The following NSD2 variants were observed in gnomAD, a reference collection of about 807,000 sequenced individuals.
NSD2 encodes nuclear receptor binding SET domain protein 2, also known as histone-lysine N-methyltransferase NSD2.
NSD2 carries 12 observed loss-of-function variants against 139.0 expected under a neutral mutation model. That is an observed-to-expected ratio of 0.09 (90% CI 0.06 to 0.14). NSD2 has a LOEUF of 0.14. Ranked by LOEUF, NSD2 falls within the 10% of genes least tolerant of loss-of-function variation. The pLI, the probability that NSD2 is intolerant of heterozygous loss-of-function variation, is 1.00. For missense variants in NSD2, 1,155 were observed against 1,745.0 expected (o/e 0.66, Z 6.02); for synonymous variants, 669 against 648.7 (o/e 1.03, Z -0.48).
At chr4:1,916,337 T>C (rs1423696192) in intron 3 of NSD2, among the ~76,000 whole-genome samples, 1 of 152,032 alleles carries the variant, frequency 6.6e-6, no homozygotes, top group Non-Finnish European at 1.5e-5. Flanking sequence ...TTTCTTTTTC[T>C]TTTTTTTCCT....
At chr4:1,941,904 G>A (rs1723139888) in intron 9 of NSD2, 6 of 1,070,306 alleles carry the variant, frequency 5.6e-6, no homozygotes, top group South Asian at 4.4e-5. Flanking sequence ...GAGGCAAAGT[G>A]TAGTGTTATA....
At chr4:1,933,445 A>G (rs1721913625) in intron 6 of NSD2, among the ~76,000 whole-genome samples, 2 of 152,144 alleles carry the variant, frequency 1.3e-5, no homozygotes, top group African/African-American at 2.4e-5. Flanking sequence ...GCTGGAGTGC[A>G]GTGGCGCGAT....
intron 1 of NSD2, among the ~76,000 whole-genome samples, chr4:1,888,633 C>T (rs748373242): frequency 1.3e-4 from 20 of 151,884 alleles, no homozygotes; most frequent in African/African-American, 2.7e-4. Flanking sequence ...GTGGCAATCT[C>T]GGCTTACTGC....
At chr4:1,899,638 C>T (rs990566157) in intron 1 of NSD2, among the ~76,000 whole-genome samples, 1 of 152,200 alleles carries the variant, frequency 6.6e-6, no homozygotes, top group Admixed American at 6.5e-5. Flanking sequence ...GGGCGGGTGC[C>T]TACCTGTTTC....
intron 9 of NSD2, chr4:1,945,682 A>C: frequency 3.0e-5 from 32 of 1,063,528 alleles, no homozygotes; most frequent in Non-Finnish European, 3.6e-5. Context: ...ATGAGGGAAA[A>C]GTCCTTGGCT....
intron 1 of NSD2, among the ~76,000 whole-genome samples, chr4:1,886,360 CTAT>C (rs1250464175): frequency 6.6e-6 from 1 of 152,150 alleles, no homozygotes; most frequent in African/African-American, 2.4e-5. Context: ...GTGTGCACCA[CTAT>C]GCCCAGCTAA....
At chr4:1,887,364 C>A (rs1320025612) in intron 1 of NSD2, 1 of 152,130 alleles carries the variant, frequency 6.6e-6, no homozygotes, top group Non-Finnish European at 1.5e-5. Flanking sequence ...TATAGCAAGT[C>A]CCCACTTTTG....
chr4:1,873,394 A>G (rs1442166610), intron 1 of NSD2, among the ~76,000 whole-genome samples: 2 of 152,248 alleles, frequency 1.3e-5, no homozygotes, highest in Non-Finnish European at 1.5e-5. Context: ...ATAAACTAAT[A>G]TAACTTTTGG....
At chr4:1,887,762 T>C (rs1027376251) in intron 1 of NSD2, 7 of 152,214 alleles carry the variant, frequency 4.6e-5, no homozygotes, top group Non-Finnish European at 8.8e-5. Flanking sequence ...AATATTTACT[T>C]GTATGACTTT....
At chr4:1,953,666 T>C in intron 12 of NSD2, 142 bp downstream of exon 12, 1 of 1,101,662 alleles carries the variant, frequency 9.1e-7, no homozygotes, top group Admixed American at 2.7e-5. Context: ...ATCGGCTGGG[T>C]TGGGTTTTCT....
At chr4:1,977,821 C>G (rs1727262809) in intron 21 of NSD2, among the ~76,000 whole-genome samples, 1 of 136,502 alleles carries the variant, frequency 7.3e-6, no homozygotes, top group Non-Finnish European at 1.6e-5. Flanking sequence ...AAACAAAAAA[C>G]AAAACTATAA....
chr4:1,941,164 G>A (rs1723054723), intron 9 of NSD2: 1 of 1,053,672 alleles, frequency 9.5e-7, no homozygotes, highest in South Asian at 4.6e-5. Context: ...TCCAAGTTCA[G>A]GTTAAAATCT....
chr4:1,918,805 G>A (rs1313002130), intron 5 of NSD2, 182 bp downstream of exon 5: 4 of 816,424 alleles, frequency 4.9e-6, no homozygotes, highest in Admixed American at 3.0e-5. Flanking sequence ...AAAGATACTC[G>A]ACTTGCACTC....
chr4:1,904,207 C>T lies in NSD2; in HGVS notation c.598-9C>T, dbSNP rs750923496. 2.5e-6 allele frequency: 4 copies of T among 1,611,808 alleles called. No individual in the cohort carries two copies. Among genetic ancestry groups the T allele is most frequent in the East Asian group, 2.2e-5 (1 of 44,828 alleles). On this transcript the variant is annotated splice_polypyrimidine_tract_variant and intron_variant, in intron 2 of 21. Transcript: ENST00000508803. ...GTGTTAGTGTTTGTCTTCTGTTGTT[C>T]ATTTTCAGATTCCAGCTAAGAAAGA...
At chr4:1,879,702 C>T (rs1714562418) in intron 1 of NSD2, among the ~76,000 whole-genome samples, 2 of 152,102 alleles carry the variant, frequency 1.3e-5, no homozygotes, top group Admixed American at 1.3e-4. Flanking sequence ...TGTGCTGTTG[C>T]TTCTTCCTGA....
At chr4:1,964,215 A>G (rs1725648388) in intron 18 of NSD2, among the ~76,000 whole-genome samples, 1 of 152,182 alleles carries the variant, frequency 6.6e-6, no homozygotes, top group Non-Finnish European at 1.5e-5. Flanking sequence ...AGAATGAGAT[A>G]TGGAGGGTAA....
intron 19 of NSD2, 140 bp downstream of exon 19, chr4:1,975,144 C>T (rs901953601): frequency 4.8e-6 from 7 of 1,460,148 alleles, no homozygotes; most frequent in Admixed American, 2.0e-5. Flanking sequence ...TTGAATATCT[C>T]TTTTACCAAG....
chr4:1,923,552 A>G (rs1190300220), intron 5 of NSD2, among the ~76,000 whole-genome samples: 2 of 152,212 alleles, frequency 1.3e-5, no homozygotes, highest in Non-Finnish European at 2.9e-5. Context: ...GTGAGCAGAC[A>G]TCAAACTCAG....
intron 1 of NSD2, among the ~76,000 whole-genome samples, chr4:1,876,356 A>G (rs1396732354): frequency 6.6e-6 from 1 of 152,202 alleles, no homozygotes; most frequent in Non-Finnish European, 1.5e-5. Context: ...CAAGGATAGA[A>G]ATTGCAGTGT....
Sources: gnomAD v4.1 joint callset for allele counts (sites outside exome capture counted in the v4.1 genomes callset) on GRCh38, gnomAD v4.1.1 for gene constraint, MANE v1.5 for transcripts, NCBI Gene and HGNC (gene_info 2026-07-23, HGNC 2026-07-21) for gene names.